The following RNF2 variants were observed in gnomAD, a reference collection of about 807,000 sequenced individuals.
RNF2 encodes the protein E3 ubiquitin-protein ligase RING2.
A neutral mutation model predicts 37.2 loss-of-function variants in RNF2; 6 were observed. The ratio of observed to expected loss-of-function variants is 0.16; its 90% CI spans 0.09 to 0.32. The LOEUF (loss-of-function observed/expected upper bound fraction) is 0.32, where lower values mean the gene tolerates loss of function less well. Among genes scored for constraint, RNF2 ranks in the 10% least tolerant of loss-of-function variants. The pLI, the probability that RNF2 is intolerant of heterozygous loss-of-function variation, is 1.00. For missense variants in RNF2, 251 were observed against 404.0 expected, an observed-to-expected ratio of 0.62 and a Z score of 3.25; for synonymous variants, 133 against 132.7, an observed-to-expected ratio of 1.00 and a Z score of -0.02.
At chr1:185,075,789 C>T (rs1217763434) in intron 1 of RNF2, among the ~76,000 whole-genome samples, 1 of 152,242 alleles carries the variant, frequency 6.6e-6, no homozygotes, top group African/African-American at 2.4e-5. Flanking sequence ...CAGGCCCCTC[C>T]TCCAACACTG....
intron 2 of RNF2, among the ~76,000 whole-genome samples, chr1:185,089,801 C>A (rs958477707): frequency 6.6e-6 from 1 of 151,762 alleles, no homozygotes; most frequent in Non-Finnish European, 1.5e-5. Context: ...AGGCCGAGGC[C>A]GGTGGATCAC....
At chr1:185,084,971 T>C (rs951842814) in intron 1 of RNF2, among the ~76,000 whole-genome samples, 27 of 151,946 alleles carry the variant, frequency 1.8e-4, no homozygotes, top group African/African-American at 6.3e-4. Flanking sequence ...GTGTGGGAAT[T>C]TTTTTTGCCC....
intron 2 of RNF2, among the ~76,000 whole-genome samples, chr1:185,089,333 T>C (rs1651697782): frequency 6.6e-6 from 1 of 152,156 alleles, no homozygotes; most frequent in Non-Finnish European, 1.5e-5. Context: ...TGATTTAAAG[T>C]ATGTGGGAGA....
intron 1 of RNF2, among the ~76,000 whole-genome samples, chr1:185,075,829 G>A (rs989197907): frequency 9.9e-5 from 15 of 152,170 alleles, no homozygotes; most frequent in African/African-American, 3.4e-4. Context: ...AGATTTGGGC[G>A]AAGCCACAAA....
intron 1 of RNF2, among the ~76,000 whole-genome samples, chr1:185,085,942 G>A (rs945963833): frequency 2.0e-5 from 3 of 152,080 alleles, no homozygotes; most frequent in African/African-American, 7.2e-5. Context: ...ATGAGCCACC[G>A]CACCTGGCCC....
At chr1:185,097,097 A>G (rs765147865) in intron 4 of RNF2, among the ~76,000 whole-genome samples, 4 of 152,190 alleles carry the variant, frequency 2.6e-5, no homozygotes, top group Non-Finnish European at 5.9e-5. Flanking sequence ...GAGGCAAATT[A>G]TTTAATCTTG....
chr1:185,057,495 A>G (rs1571296056), intron 1 of RNF2, among the ~76,000 whole-genome samples: 1 of 152,012 alleles, frequency 6.6e-6, no homozygotes, highest in Admixed American at 6.6e-5. Context: ...TCCATTATTC[A>G]TGTGGCGGTG....
chr1:185,080,442 G>C (rs1279197124), intron 1 of RNF2, among the ~76,000 whole-genome samples: 2 of 152,190 alleles, frequency 1.3e-5, no homozygotes, highest in Non-Finnish European at 2.9e-5. Context: ...AAAGCAAAGA[G>C]ACACTAATTC....
chr1:185,095,774 A>G lies in RNF2; in HGVS notation c.465-2298A>G, dbSNP rs185284888. Among the ~76,000 whole-genome samples, 6 of 152,302 alleles carry G rather than the reference A, an allele frequency of 3.9e-5. No individual in the cohort carries two copies. The East Asian group carries it at 1.2e-3, about 29-fold the overall frequency. ...TGTTGAAATACTTATGTTGACTTCT[A>G]CATACATTTCAGATTCTACTTCTGT... On this transcript the variant is annotated intron_variant, in intron 4 of 6. Coordinates refer to ENST00000367510, the MANE Select transcript of RNF2 (RefSeq NM_007212.4).
intron 1 of RNF2, among the ~76,000 whole-genome samples, chr1:185,057,718 G>T (rs1013373749): frequency 2.0e-5 from 3 of 151,532 alleles, no homozygotes; most frequent in Non-Finnish European, 2.9e-5. Flanking sequence ...GAGTGTCTAA[G>T]GATCCACAAA....
chr1:185,063,525 C>T (rs1650674211), intron 1 of RNF2, among the ~76,000 whole-genome samples: 1 of 152,204 alleles, frequency 6.6e-6, no homozygotes. Flanking sequence ...TTGTCACCTT[C>T]TCCCACTCTT....
intron 1 of RNF2, among the ~76,000 whole-genome samples, 156 bp downstream of exon 1, chr1:185,045,805 C>T (rs1321186825): frequency 3.3e-5 from 5 of 152,126 alleles, no homozygotes; most frequent in Admixed American, 2.0e-4. Context: ...CCGCCGCCCC[C>T]GGCCGCTCTC....
chr1:185,070,454 A>C (rs991712144), intron 1 of RNF2, among the ~76,000 whole-genome samples: 8 of 152,136 alleles, frequency 5.3e-5, no homozygotes, highest in African/African-American at 1.9e-4. Context: ...TTTATGGTTT[A>C]ATGGATCCGT....
chr1:185,076,394 G>C (rs1270407684), intron 1 of RNF2, among the ~76,000 whole-genome samples: 2 of 140,846 alleles, frequency 1.4e-5, no homozygotes, highest in Admixed American at 7.5e-5. Context: ...GGCTTTAAGT[G>C]ATTCTCCTGC....
intron 1 of RNF2, among the ~76,000 whole-genome samples, chr1:185,085,501 GTCCATGTTTAA>G (rs922010373): frequency 1.1e-4 from 17 of 151,968 alleles, no homozygotes; most frequent in Admixed American, 9.8e-4. Context: ...CCGTCTCTGT[GTCCATGTTTAA>G]TTGCTTTAGT....
At chr1:185,051,861 TGC>T (rs1411685553) in intron 1 of RNF2, among the ~76,000 whole-genome samples, 1 of 149,174 alleles carries the variant, frequency 6.7e-6, no homozygotes. Flanking sequence ...TATATATACA[TGC>T]ATATATATAT....
chr1:185,065,186 A>T (rs867965878), intron 1 of RNF2, among the ~76,000 whole-genome samples: 18 of 152,182 alleles, frequency 1.2e-4, no homozygotes, highest in African/African-American at 4.1e-4. Context: ...GTCTAGCTAA[A>T]GGATTGTAAA....
intron 1 of RNF2, among the ~76,000 whole-genome samples, chr1:185,051,863 CATAT>C (rs200062271): frequency 6.8e-6 from 1 of 147,518 alleles, no homozygotes; most frequent in Admixed American, 6.8e-5. Context: ...TATATACATG[CATAT>C]ATATATGTAA....
chr1:185,099,072 A>G (rs1652000624), intron 5 of RNF2, among the ~76,000 whole-genome samples: 1 of 125,424 alleles, frequency 8.0e-6, no homozygotes, highest in Non-Finnish European at 1.6e-5. Flanking sequence ...TTTTTTTGAG[A>G]TGGGAGTCTT....
Sources: allele counts gnomAD v4.1 joint callset (sites outside exome capture counted in the v4.1 genomes callset), GRCh38; gene constraint gnomAD v4.1.1; transcripts MANE v1.5; gene names NCBI Gene and HGNC (gene_info 2026-07-23, HGNC 2026-07-21).